Variants in PPP6R2 observed in about 807,000 individuals in gnomAD.
PPP6R2 encodes protein phosphatase 6 regulatory subunit 2.
In PPP6R2, 62 loss-of-function variants were observed where a neutral mutation model predicts 100.2. The ratio of observed to expected loss-of-function variants is 0.62; its 90% CI spans 0.50 to 0.76. The LOEUF is 0.76. Ranked by LOEUF, PPP6R2 falls within the 30% of genes least tolerant of loss-of-function variation. PPP6R2 has a pLI of 0.00. For synonymous variants in PPP6R2, 525 were observed against 514.7 expected, an observed-to-expected ratio of 1.02 and a Z score of -0.27; for missense variants, 1,142 against 1,276.3, an observed-to-expected ratio of 0.89 and a Z score of 1.60.
At chr22:50,422,143 TTTGGG>T in intron 8 of PPP6R2, 106 bp from the exon 9 acceptor site, 1 of 1,419,942 alleles carries the variant, frequency 7.0e-7, no homozygotes, top group East Asian at 2.3e-5. Flanking sequence ...AGGGTTTCTT[TTTGGG>T]AAAGTTAAAA....
chr22:50,335,218 ATTTTTTTTTT>A, the PPP6R2 span, among the ~76,000 whole-genome samples: 1 of 101,658 alleles, frequency 9.8e-6, no homozygotes, highest in African/African-American at 3.3e-5. Context: ...CACCCGGCTA[ATTTTTTTTTT>A]TTTTTTTTTT....
chr22:50,363,365 A>G (rs2048156292), intron 1 of PPP6R2, among the ~76,000 whole-genome samples: 1 of 152,164 alleles, frequency 6.6e-6, no homozygotes, highest in Non-Finnish European at 1.5e-5. Flanking sequence ...GCACTTCTCC[A>G]TTGCCACAGT....
At chr22:50,436,334 C>G (rs1241904172) in intron 13 of PPP6R2, 33 bp from the exon 14 acceptor site, 1 of 1,551,178 alleles carries the variant, frequency 6.4e-7, no homozygotes, top group Non-Finnish European at 8.7e-7. Context: ...CACGGGGTCT[C>G]CCAGGGCTCA....
intron 3 of PPP6R2, 43 bp downstream of exon 3, chr22:50,394,178 T>TGCAGGCAGGCC: frequency 1.2e-6 from 2 of 1,602,414 alleles, no homozygotes; most frequent in South Asian, 1.1e-5. Flanking sequence ...CAGGCAGTGC[T>TGCAGGCAGGCC]GCAGGCAGGC....
chr22:50,376,193 G>A (rs1218193240), intron 2 of PPP6R2, among the ~76,000 whole-genome samples: 1 of 152,042 alleles, frequency 6.6e-6, no homozygotes, highest in Non-Finnish European at 1.5e-5. Flanking sequence ...GGTGGCTCAT[G>A]CCTGTAACCC....
chr22:50,424,325 C>CCGTGTGTGG (rs1569471958), intron 10 of PPP6R2, among the ~76,000 whole-genome samples: 2 of 138,510 alleles, frequency 1.4e-5, no homozygotes, highest in African/African-American at 2.7e-5. Flanking sequence ...TCAGTTCTGT[C>CCGTGTGTGG]AGCGTGTGGA....
intron 10 of PPP6R2, among the ~76,000 whole-genome samples, chr22:50,424,897 C>T (rs1040198427): frequency 2.0e-5 from 3 of 152,152 alleles, no homozygotes; most frequent in African/African-American, 7.2e-5. Context: ...GCCTTGGCCT[C>T]CCAAAGTGCT....
chr22:50,429,515 T>C (rs1357423646), intron 10 of PPP6R2, among the ~76,000 whole-genome samples: 1 of 152,254 alleles, frequency 6.6e-6, no homozygotes, highest in Non-Finnish European at 1.5e-5. Flanking sequence ...TTTGGTTTGC[T>C]AGTATTTTGC....
At chr22:50,396,265 G>A (rs2056828389) in intron 3 of PPP6R2, among the ~76,000 whole-genome samples, 1 of 147,302 alleles carries the variant, frequency 6.8e-6, no homozygotes. Flanking sequence ...GGGAGGCCAA[G>A]GCGGGCAGAT....
chr22:50,410,469 C>CTTTTTTTTT (rs200178930), intron 4 of PPP6R2, among the ~76,000 whole-genome samples: 3 of 103,342 alleles, frequency 2.9e-5, no homozygotes, highest in Admixed American at 1.0e-4. Context: ...TGAGTGGTGT[C>CTTTTTTTTT]TTTTTTTTTT....
chr22:50,403,385 CTG>C (rs1201614682), intron 3 of PPP6R2, among the ~76,000 whole-genome samples: 2 of 152,232 alleles, frequency 1.3e-5, no homozygotes, highest in Non-Finnish European at 2.9e-5. Context: ...TGGGGCCTCA[CTG>C]TGGCCTTTGA....
chr22:50,383,275 T>G (rs1602773982), intron 2 of PPP6R2, among the ~76,000 whole-genome samples: 1 of 152,340 alleles, frequency 6.6e-6, no homozygotes, highest in East Asian at 1.9e-4. Flanking sequence ...CCATCAGCCC[T>G]GGTTTGCCCA....
rs779682583 is a variant in PPP6R2, at chr22:50,437,083, G to C, written c.1683+15G>C. ...CCCTTCAGCAGGTGAGGGCGTGGCC[G>C]GCACCTGCACCCTGCCGGGCCCTTC... is the stretch of plus-strand genomic sequence containing the variant. On this transcript the variant is annotated intron_variant, in intron 15 of 23. Coordinates refer to ENST00000612753, the MANE Select transcript of PPP6R2 (RefSeq NM_001242898.2). The C allele has an allele frequency of 1.3e-6, 2 of 1,552,296 alleles. No homozygotes were observed. Among genetic ancestry groups the C allele is most frequent in the Non-Finnish European group, 8.7e-7 (1 of 1,148,314 alleles).
Position 50,434,990 on chromosome 22 carries a change from G to C in PPP6R2, c.1425G>C (p.Gly475=), listed in dbSNP as rs1461728279. Reference sequence around the variant, plus strand: ...GGGCAGCGGGTGGCATGAGACGTGGGAACATGGGCCACCTCACACGGATCG... The same window carrying C: ...GGGCAGCGGGTGGCATGAGACGTGGCAACATGGGCCACCTCACACGGATCG... ...HTQAAGGMRR[G]NMGHLTRIAN... is the part of the protein sequence containing the mutation. The change falls in exon 13 of 24, where the codon GGG becomes GGC. Residue 475 remains glycine, a synonymous_variant. Coordinates refer to ENST00000612753, the MANE Select transcript of PPP6R2 (RefSeq NM_001242898.2). 1 of 1,606,188 alleles carries C rather than the reference G, an allele frequency of 6.2e-7. No homozygotes were observed. Among genetic ancestry groups the C allele is most frequent in the East Asian group, 2.2e-5 (1 of 44,692 alleles).
intron 3 of PPP6R2, among the ~76,000 whole-genome samples, chr22:50,406,376 G>A (rs1419933091): frequency 2.0e-5 from 3 of 152,162 alleles, no homozygotes; most frequent in African/African-American, 4.8e-5. Context: ...CCTGGCAGGC[G>A]AGTGTGAAGG....
chr22:50,359,552 T>C (rs1000374494), intron 1 of PPP6R2, among the ~76,000 whole-genome samples: 24 of 152,186 alleles, frequency 1.6e-4, no homozygotes, highest in African/African-American at 5.8e-4. Flanking sequence ...AAAAGGTTTA[T>C]ATTTTGTCAG....
the PPP6R2 span, among the ~76,000 whole-genome samples, chr22:50,335,989 T>C: frequency 2.1e-4 from 32 of 150,258 alleles, no homozygotes; most frequent in East Asian, 5.3e-3. Flanking sequence ...ATGTTGAATG[T>C]TTTTTTTCTT....
chr22:50,439,824 G>A lies in PPP6R2; in HGVS notation c.2252G>A (p.Trp751Ter). 1 of 1,613,772 alleles carries A rather than the reference G, an allele frequency of 6.2e-7. No homozygotes were observed. ...AGTSAPEEKG[W>*]AKFTDFQPFC... ...ACCTCAGCTCCAGAGGAGAAAGGCT[G>A]GGCCAAGTTCACTGACTTCCAACCT... is the stretch of plus-strand genomic sequence containing the variant. Residue 751 changes from tryptophan (W) to a stop codon, truncating the protein, a stop_gained, in exon 20 of 24, where the codon TGG becomes TAG. Coordinates refer to ENST00000612753, the MANE Select transcript of PPP6R2 (RefSeq NM_001242898.2). LOFTEE classifies it high-confidence loss of function.
chr22:50,393,606 C>T, intron 2 of PPP6R2: 1 of 960,264 alleles, frequency 1.0e-6, no homozygotes, highest in Non-Finnish European at 1.2e-6. Context: ...GGTCCTGGAG[C>T]TGGGGGTGCA....
Sources: gnomAD v4.1 joint callset for allele counts (sites outside exome capture counted in the v4.1 genomes callset) on GRCh38, gnomAD v4.1.1 for gene constraint, MANE v1.5 for transcripts, NCBI Gene and HGNC (gene_info 2026-07-23, HGNC 2026-07-21) for gene names.